TENM2: variants seen among roughly 807,000 people sequenced by gnomAD.
The protein encoded by TENM2 is teneurin-2.
A neutral mutation model predicts 245.2 loss-of-function variants in TENM2; 52 were observed. That is an observed-to-expected ratio of 0.21 (90% CI 0.17 to 0.27). The LOEUF is 0.27. TENM2 is among the 10% of genes least tolerant of loss of function. TENM2 has a pLI of 1.00. For missense variants in TENM2, 3,046 were observed against 3,666.8 expected (o/e 0.83, Z 4.37); for synonymous variants, 1,363 against 1,438.9 (o/e 0.95, Z 1.19).
chr5:167,411,951 C>T (rs1037277618), intron 2 of TENM2, among the ~76,000 whole-genome samples: 2 of 152,062 alleles, frequency 1.3e-5, no homozygotes, highest in African/African-American at 4.8e-5. Context: ...TGGAAAAATA[C>T]TTACTACTTA....
At chr5:167,220,824 T>C in the TENM2 span, among the ~76,000 whole-genome samples, 1 of 145,110 alleles carries the variant, frequency 6.9e-6, no homozygotes, top group Admixed American at 6.9e-5. Context: ...CTGTGTATCA[T>C]ACACATTTTT....
At chr5:167,867,377 G>A (rs1348959368) in intron 2 of TENM2, among the ~76,000 whole-genome samples, 4 of 152,306 alleles carry the variant, frequency 2.6e-5, no homozygotes, top group South Asian at 2.1e-4. Context: ...ATATAGAAAC[G>A]ACACCCAAAT....
chr5:167,996,419 C>T (rs1212565022), intron 5 of TENM2, among the ~76,000 whole-genome samples: 1 of 152,182 alleles, frequency 6.6e-6, no homozygotes, highest in Non-Finnish European at 1.5e-5. Context: ...CCACTTTGTG[C>T]ATCACTCAGG....
the TENM2 span, among the ~76,000 whole-genome samples, chr5:167,079,594 T>C: frequency 3.3e-5 from 5 of 151,282 alleles, no homozygotes; most frequent in African/African-American, 7.3e-5. Flanking sequence ...ATTACAGGCA[T>C]GAGCCACCAC....
chr5:167,962,053 T>C (rs1242731114), intron 4 of TENM2, among the ~76,000 whole-genome samples: 1 of 152,210 alleles, frequency 6.6e-6, no homozygotes, highest in Non-Finnish European at 1.5e-5. Context: ...TGTAATAAAG[T>C]GTCCTCTTGA....
At chr5:167,765,054 GGGCTGGCGAGA>G (rs1055589127) in intron 2 of TENM2, among the ~76,000 whole-genome samples, 1 of 152,136 alleles carries the variant, frequency 6.6e-6, no homozygotes, top group African/African-American at 2.4e-5. Flanking sequence ...GCCTGTCCTT[GGGCTGGCGAGA>G]GGCCTTATTG....
At chr5:167,590,287 A>G (rs900516959) in intron 2 of TENM2, among the ~76,000 whole-genome samples, 4 of 152,010 alleles carry the variant, frequency 2.6e-5, no homozygotes, top group Non-Finnish European at 4.4e-5. Context: ...TTCTTCTACT[A>G]TTTCAGATAT....
At chr5:166,985,709 G>T in the TENM2 span, among the ~76,000 whole-genome samples, 1 of 152,050 alleles carries the variant, frequency 6.6e-6, no homozygotes, top group African/African-American at 2.4e-5. Flanking sequence ...CACAGAGAGG[G>T]CTGTGGATGA....
intron 2 of TENM2, among the ~76,000 whole-genome samples, chr5:167,798,748 ACT>A (rs1765493770): frequency 6.6e-6 from 1 of 152,210 alleles, no homozygotes; most frequent in East Asian, 1.9e-4. Context: ...GTCAGCTTTT[ACT>A]GTCCTCAGAG....
exon 4 of TENM2, chr5:167,952,706 T>C (rs768088904): frequency 6.2e-7 from 1 of 1,609,850 alleles, no homozygotes; most frequent in Non-Finnish European, 8.5e-7. Context: ...CACTGACCAA[T>C]CGGCGGAGTC....
At chr5:167,547,301 C>T (rs1772626799) in intron 2 of TENM2, among the ~76,000 whole-genome samples, 2 of 152,226 alleles carry the variant, frequency 1.3e-5, no homozygotes, top group South Asian at 4.1e-4. Flanking sequence ...GAACACCTGA[C>T]CTCAGATGAT....
chr5:168,197,670 A>C (rs1162976606), intron 15 of TENM2, among the ~76,000 whole-genome samples: 1 of 148,530 alleles, frequency 6.7e-6, no homozygotes, highest in Non-Finnish European at 1.5e-5. Flanking sequence ...ACTGCGCTCC[A>C]GCCTGGGCCC....
intron 2 of TENM2, among the ~76,000 whole-genome samples, chr5:167,572,113 G>A (rs1256070000): frequency 6.6e-6 from 1 of 152,222 alleles, no homozygotes; most frequent in Non-Finnish European, 1.5e-5. Context: ...CATTAGGGTG[G>A]AGGTGGGGAT....
chr5:168,133,311 G>A (rs1754755220), intron 12 of TENM2, among the ~76,000 whole-genome samples: 1 of 152,176 alleles, frequency 6.6e-6, no homozygotes, highest in African/African-American at 2.4e-5. Context: ...TATTAGGCCT[G>A]AGTAAATTTA....
the TENM2 span, among the ~76,000 whole-genome samples, chr5:167,086,390 C>T: frequency 1.3e-5 from 2 of 152,118 alleles, no homozygotes; most frequent in Non-Finnish European, 2.9e-5. Context: ...AGTTAAGCAG[C>T]ATTTGGGAGT....
chr5:167,973,615 A>T (rs2546930), intron 4 of TENM2, among the ~76,000 whole-genome samples: 1 of 151,916 alleles, frequency 6.6e-6, no homozygotes, highest in African/African-American at 2.4e-5. Context: ...CTGGTCAGGG[A>T]AGCCTGGCTG....
the TENM2 span, among the ~76,000 whole-genome samples, chr5:167,219,739 T>C: frequency 6.6e-6 from 1 of 152,226 alleles, no homozygotes; most frequent in African/African-American, 2.4e-5. Context: ...ATTATAAAAC[T>C]AATGCTATGA....
At chr5:167,639,172 T>C (rs1779399966) in intron 2 of TENM2, among the ~76,000 whole-genome samples, 1 of 152,244 alleles carries the variant, frequency 6.6e-6, no homozygotes, top group Non-Finnish European at 1.5e-5. Flanking sequence ...GAGTTGCCCA[T>C]GTTTATAATA....
intron 2 of TENM2, among the ~76,000 whole-genome samples, chr5:167,826,990 A>G (rs1041609798): frequency 6.6e-6 from 1 of 152,224 alleles, no homozygotes; most frequent in African/African-American, 2.4e-5. Flanking sequence ...GGATTCTGGC[A>G]CAAGCCAGAT....
Sources: allele counts gnomAD v4.1 joint callset (sites outside exome capture counted in the v4.1 genomes callset), GRCh38; gene constraint gnomAD v4.1.1; transcripts MANE v1.5; gene names NCBI Gene and HGNC (gene_info 2026-07-23, HGNC 2026-07-21).